The following LAMA2 variants were observed in gnomAD, a reference collection of about 807,000 sequenced individuals.
The protein encoded by LAMA2 is laminin subunit alpha 2, also known as laminin subunit alpha-2.
A neutral mutation model predicts 364.8 loss-of-function variants in LAMA2; 269 were observed. The ratio of observed to expected loss-of-function variants is 0.74; its 90% CI spans 0.67 to 0.82. The LOEUF (loss-of-function observed/expected upper bound fraction) is 0.82. Among genes scored for constraint, LAMA2 ranks in the 40% least tolerant of loss-of-function variants. The probability of loss-of-function intolerance (pLI) is 0.00; values close to 1 mark genes in which losing one functional copy is unlikely to be tolerated. For missense variants in LAMA2, 3,807 were observed against 3,873.2 expected (o/e 0.98, Z 0.45); for synonymous variants, 1,379 against 1,370.6 (o/e 1.01, Z -0.14).
At chr6:129,203,701 C>G (rs1045426281) in intron 12 of LAMA2, among the ~76,000 whole-genome samples, 12 of 152,202 alleles carry the variant, frequency 7.9e-5, no homozygotes, top group African/African-American at 2.9e-4. Context: ...CTCATATAAG[C>G]GGATGACCTG....
chr6:128,940,941 A>G (rs1401814353), intron 1 of LAMA2, among the ~76,000 whole-genome samples: 1 of 152,178 alleles, frequency 6.6e-6, no homozygotes, highest in East Asian at 1.9e-4. Flanking sequence ...ACAGAGCAAG[A>G]GCCTGTCCCC....
chr6:128,885,288 G>C (rs1346813836), intron 1 of LAMA2, among the ~76,000 whole-genome samples: 1 of 152,054 alleles, frequency 6.6e-6, no homozygotes, highest in East Asian at 1.9e-4. Flanking sequence ...TTTAAAATTG[G>C]ATAGTGATTT....
intron 27 of LAMA2, among the ~76,000 whole-genome samples, chr6:129,317,696 A>T (rs934540689): frequency 1.1e-4 from 17 of 152,076 alleles, no homozygotes; most frequent in African/African-American, 3.9e-4. Context: ...GCAGATTTGC[A>T]TGTCTTAGAA....
chr6:129,229,066 T>C (rs1461978186), intron 12 of LAMA2, among the ~76,000 whole-genome samples: 3 of 152,320 alleles, frequency 2.0e-5, no homozygotes, highest in East Asian at 1.9e-4. Context: ...ATTCCAGTTA[T>C]ATTAACTTGC....
chr6:129,387,350 A>G (rs1036716128), intron 35 of LAMA2, among the ~76,000 whole-genome samples: 1 of 152,226 alleles, frequency 6.6e-6, no homozygotes, highest in African/African-American at 2.4e-5. Context: ...CAAAACCACA[A>G]TGAGATAACA....
intron 44 of LAMA2, among the ~76,000 whole-genome samples, chr6:129,443,620 C>T (rs1360919992): frequency 6.6e-6 from 1 of 152,146 alleles, no homozygotes; most frequent in African/African-American, 2.4e-5. Flanking sequence ...ACTTTTTCCT[C>T]TCCTTGTAAT....
chr6:129,246,217 G>A (rs1218306460), intron 12 of LAMA2, among the ~76,000 whole-genome samples: 1 of 152,028 alleles, frequency 6.6e-6, no homozygotes, highest in Non-Finnish European at 1.5e-5. Context: ...TTTCCACATT[G>A]ACTTTTGTGC....
intron 40 of LAMA2, among the ~76,000 whole-genome samples, chr6:129,416,169 TC>T (rs751911257): frequency 2.4e-5 from 1 of 41,304 alleles, no homozygotes; most frequent in African/African-American, 1.5e-4. Context: ...CGGGATGGTC[TC>T]GATCTCCTGA....
chr6:128,959,173 A>C (rs1031629096), intron 1 of LAMA2, among the ~76,000 whole-genome samples: 1 of 152,182 alleles, frequency 6.6e-6, no homozygotes, highest in African/African-American at 2.4e-5. Flanking sequence ...ACTAATTTTA[A>C]ACTACACTTT....
chr6:129,184,144 G>A (rs1057327220), intron 10 of LAMA2, among the ~76,000 whole-genome samples: 4 of 151,822 alleles, frequency 2.6e-5, no homozygotes, highest in African/African-American at 9.7e-5. Context: ...CTTTTTCCCT[G>A]AAAGGATTTT....
intron 29 of LAMA2, among the ~76,000 whole-genome samples, chr6:129,337,701 G>A (rs1776033051): frequency 6.6e-6 from 1 of 151,904 alleles, no homozygotes; most frequent in South Asian, 2.1e-4. Flanking sequence ...TGATTTTGTA[G>A]AAGGAATATA....
At chr6:129,497,304 C>A (rs530700391) in intron 58 of LAMA2, among the ~76,000 whole-genome samples, 3 of 152,094 alleles carry the variant, frequency 2.0e-5, no homozygotes, top group African/African-American at 7.2e-5. Flanking sequence ...GTGGCGCAAT[C>A]ATGGCTTACT....
intron 5 of LAMA2, 73 bp from the exon 6 acceptor site, chr6:129,146,886 C>A: frequency 1.1e-6 from 1 of 923,646 alleles, no homozygotes; most frequent in Non-Finnish European, 1.8e-6. Context: ...AAAGTTTTTA[C>A]TGAATGTCCC....
In LAMA2 at chr6:129,325,723, A is replaced by T. The variant is rs751303701; in HGVS notation, c.4177-2555A>T. ...CTGAGTTAACCTACTCATTTGTGGG[A>T]TGAGGAAACTGGGTCTCAAAGTAAC... On this transcript the variant is annotated intron_variant, in intron 28 of 64. Transcript: ENST00000421865. 4.6e-5 allele frequency among the ~76,000 whole-genome samples: 7 copies of T among 152,314 alleles called. No individual in the cohort carries two copies. In the South Asian group the frequency reaches 8.3e-4, roughly 18 times the overall value.
intron 37 of LAMA2, among the ~76,000 whole-genome samples, chr6:129,394,697 G>A (rs143071357): frequency 5.2e-4 from 79 of 152,256 alleles, no homozygotes; most frequent in Middle Eastern, 3.4e-3. Context: ...TATGGCAACC[G>A]TTTGATAAAT....
intron 34 of LAMA2, 65 bp from the exon 35 acceptor site, chr6:129,383,057 G>C (rs949963219): frequency 6.9e-6 from 9 of 1,306,972 alleles, no homozygotes; most frequent in Non-Finnish European, 9.9e-6. Context: ...CAGCCAGTGG[G>C]AGCTTATCTA....
chr6:129,133,231 C>G (rs962928192), intron 4 of LAMA2, among the ~76,000 whole-genome samples: 1 of 152,190 alleles, frequency 6.6e-6, no homozygotes, highest in South Asian at 2.1e-4. Context: ...ATCAGAGAGG[C>G]CTACAGTTTC....
At chr6:129,386,966 G>C (rs902748928) in intron 35 of LAMA2, among the ~76,000 whole-genome samples, 1 of 151,666 alleles carries the variant, frequency 6.6e-6, no homozygotes, top group African/African-American at 2.4e-5. Context: ...TTGCTAAAAT[G>C]TTTGTTCTTT....
chr6:129,136,049 G>A (rs1777772853), intron 4 of LAMA2, among the ~76,000 whole-genome samples: 1 of 152,024 alleles, frequency 6.6e-6, no homozygotes. Context: ...AAGTGAGAGG[G>A]AAGGGGGAAA....
Sources: gnomAD v4.1 joint callset for allele counts (sites outside exome capture counted in the v4.1 genomes callset) on GRCh38, gnomAD v4.1.1 for gene constraint, MANE v1.5 for transcripts, NCBI Gene and HGNC (gene_info 2026-07-23, HGNC 2026-07-21) for gene names.